CHTF18: variants seen among roughly 807,000 people sequenced by gnomAD.
CHTF18 encodes the protein chromosome transmission fidelity protein 18 homolog.
A neutral mutation model predicts 113.4 loss-of-function variants in CHTF18; 151 were observed. The ratio of observed to expected loss-of-function variants is 1.33; its 90% confidence interval spans 1.17 to 1.52. The LOEUF (loss-of-function observed/expected upper bound fraction) is 1.52. Ranked by LOEUF, CHTF18 falls within the 40% of genes most tolerant of loss-of-function variation. The pLI, the probability that CHTF18 is intolerant of heterozygous loss-of-function variation, is 0.00. For missense variants in CHTF18, 1,982 were observed against 1,381.6 expected (o/e 1.43, Z -6.89); for synonymous variants, 916 against 598.8 (o/e 1.53, Z -7.74).
intron 18 of CHTF18, chr16:796,473 C>G (rs763885075): frequency 5.1e-5 from 30 of 585,360 alleles, no homozygotes; most frequent in Non-Finnish European, 7.7e-5. Context: ...CGCTGAGTCA[C>G]TCTCCGTGGC....
rs775708390 is a variant in CHTF18 at position 794,038 on chromosome 16, A to G, written c.1803-16A>G. On this transcript the variant is annotated splice_polypyrimidine_tract_variant and intron_variant, in intron 14 of 21. Transcript: ENST00000262315. ...TTTTAACACGGGTCCATCTAGCTTC[A>G]GCACCCCACCTGCAGGCGCCGTGTG... 4.8e-5 allele frequency: 77 copies of G among 1,605,042 alleles called. No individual in the cohort carries two copies. The highest frequency in any genetic ancestry group is 6.5e-5 in the Non-Finnish European group (76 of 1,175,634).
chr16:789,907 C>A, intron 4 of CHTF18, 192 bp downstream of exon 4: 1 of 1,437,432 alleles, frequency 7.0e-7, no homozygotes, highest in Non-Finnish European at 9.4e-7. Context: ...GCTGTCCAGC[C>A]TGTTTGTATG....
At position 795,253 on chromosome 16, in the gene CHTF18, G is replaced by A; in HGVS notation, c.2072G>A (p.Ser691Asn). The A allele has an allele frequency of 6.5e-7, 1 of 1,549,376 alleles. No individual in the cohort carries two copies. The highest frequency in any genetic ancestry group is 8.7e-7 in the Non-Finnish European group (1 of 1,146,878). ...GCGGGGGCTGCTCATCACAGCCAGA[G>A]CTTCCAGCTGCTGCGCTACCCACCC... ...LLAGAAHHSQ[S>N]FQLLRYPPFL... The change falls in exon 16 of 22, where the codon AGC becomes AAC. Residue 691 changes from serine to asparagine, a missense_variant. Transcript: ENST00000262315.
chr16:796,189 G>A lies in CHTF18; in HGVS notation c.2456+112G>A, dbSNP rs1596771328. ...TGAAAGCACGGTCATGGCGTCTGGGGGTGGCGGGCCCCAGCTTATCTTTTG... is the reference window on the plus strand; with the variant it reads ...TGAAAGCACGGTCATGGCGTCTGGGAGTGGCGGGCCCCAGCTTATCTTTTG... On this transcript the variant is annotated intron_variant, in intron 18 of 21. Transcript: ENST00000262315. The A allele has an allele frequency of 2.2e-6, 3 of 1,391,598 alleles. No homozygotes were observed. In the Admixed American group the frequency reaches 6.8e-5, roughly 32 times the overall value. The allele number at this position is 1,391,598 out of a possible 1,614,324, so 86.2% of individuals were successfully genotyped here.
rs1596766462 is a variant in CHTF18, at chr16:795,081, T to A, written c.1951-51T>A. The A allele has an allele frequency of 2.8e-6, 4 of 1,423,744 alleles. No homozygotes were observed. In the East Asian group the frequency reaches 1.0e-4, roughly 35 times the overall value. 88.2% of individuals were successfully genotyped at this position (1,423,744 alleles called of 1,614,324 possible). A position where few individuals can be genotyped will look rare whatever the true frequency, so the allele number is the denominator to read the frequency against. ...GCGGGAGGTGGAGGGTCCGTGGTGG[T>A]GCACCTTCCCTGGGGTGGGCAGGAG... On this transcript the variant is annotated intron_variant, in intron 15 of 21. Coordinates refer to ENST00000262315, the MANE Select transcript of CHTF18 (RefSeq NM_022092.3).
chr16:790,380 C>G lies in CHTF18; in HGVS notation c.733C>G (p.Leu245Val). The G allele has an allele frequency of 6.2e-7, 1 of 1,612,166 alleles. No individual in the cohort carries two copies. Among genetic ancestry groups the G allele is most frequent in the East Asian group, 2.2e-5 (1 of 44,840 alleles). Residue 245 changes from leucine to valine, a missense_variant, in exon 6 of 22, where the codon CTT (leucine) becomes GTT (valine). Physicochemically the swap from Leu to Val is conservative, Grantham distance 32 (BLOSUM62 1). Coordinates refer to ENST00000262315, the MANE Select transcript of CHTF18 (RefSeq NM_022092.3). The stretch of plus-strand genomic sequence containing the variant: ...GCGGCTGCTTCAGGAGGCCCAGAAG[C>G]TTTCAGACACCCTGCACAGGTGACT... Reference protein sequence around the residue: ...RERLLQEAQKLSDTLHSLRSG... With the variant: ...RERLLQEAQKVSDTLHSLRSG...
In CHTF18 at chr16:792,358, T is replaced by C; in HGVS notation, c.1326+11T>C. ...GACGGGGCCCCCGTGGTGGGCTCCT[T>C]GATGCCTGGGTAGGTGGGTGGGCGG... On this transcript the variant is annotated intron_variant, in intron 10 of 21. Transcript: ENST00000262315. The C allele has an allele frequency of 6.4e-7, 1 of 1,557,620 alleles. No homozygotes were observed. The highest frequency in any genetic ancestry group is 2.4e-5 in the East Asian group (1 of 41,208).
chr16:790,122 G>C (rs780916517), intron 4 of CHTF18, 55 bp from the exon 5 acceptor site: 2 of 1,547,222 alleles, frequency 1.3e-6, no homozygotes, highest in Admixed American at 1.9e-5. Context: ...GGGGGCTGAC[G>C]TGAATCCTGT....
At chr16:790,763 C>A (rs760787937) in intron 7 of CHTF18, 97 bp downstream of exon 7, 1 of 1,442,530 alleles carries the variant, frequency 6.9e-7, no homozygotes, top group African/African-American at 1.4e-5. Context: ...ATCCACTGGG[C>A]CTCGGAGACG....
chr16:788,942 C>G lies in CHTF18; in HGVS notation c.103C>G (p.Pro35Ala). The part of the protein sequence containing the change: ...VLAELEGAST[P>A]SPSGVPLFTA... The stretch of plus-strand genomic sequence containing the variant: ...TCCTCTCCCAGCAGGGGCGTCGACT[C>G]CGTCGCCCTCCGGGGTCCCCCTGTT... Residue 35 changes from proline to alanine, a missense_variant, in exon 2 of 22, where the codon CCG becomes GCG. Transcript: ENST00000262315. 1 of 1,556,876 alleles carries G rather than the reference C, an allele frequency of 6.4e-7. No individual in the cohort carries two copies. The highest frequency in any genetic ancestry group is 8.6e-7 in the Non-Finnish European group (1 of 1,160,090).
Position 792,511 on chromosome 16 carries a change from G to C in CHTF18, c.1399G>C (p.Val467Leu). The C allele has an allele frequency of 1.3e-6, 2 of 1,592,350 alleles. No individual in the cohort carries two copies. The highest frequency in any genetic ancestry group is 1.7e-6 in the Non-Finnish European group (2 of 1,172,760). ...GGAGGTGGGGCCACAGGGCCCGGCTGTGCCTTCGGGAGGCGGCCGACGGCG... is the reference window on the plus strand; with the variant it reads ...GGAGGTGGGGCCACAGGGCCCGGCTCTGCCTTCGGGAGGCGGCCGACGGCG... Reference protein sequence around the residue: ...PQEVGPQGPAVPSGGGRRRRA... With the variant: ...PQEVGPQGPALPSGGGRRRRA... The change falls in exon 11 of 22, where the codon GTG becomes CTG. Residue 467 changes from valine to leucine, a missense_variant. Val to Leu is a conservative substitution (Grantham distance 32). Transcript: ENST00000262315.
rs557861151 is a variant in CHTF18 at position 793,261 on chromosome 16, C to T, written c.1789C>T (p.Pro597Ser). 26 of 1,607,248 alleles carry T rather than the reference C, an allele frequency of 1.6e-5. No homozygotes were observed. The highest frequency in any genetic ancestry group is 1.4e-4 in the South Asian group (13 of 90,190). Residue 597 changes from proline to serine, a missense_variant, in exon 14 of 22, where the codon CCT (proline) becomes TCT (serine). Transcript: ENST00000262315. Reference protein sequence around the residue: ...FSVWQEVFQLPRAQRRRVGQD... With the variant: ...FSVWQEVFQLSRAQRRRVGQD... ...GGTGTGGCAGGAGGTCTTCCAGCTGCCTCGAGCCCAGAGGTAGGCGGTGGC... is the reference window on the plus strand; with the variant it reads ...GGTGTGGCAGGAGGTCTTCCAGCTGTCTCGAGCCCAGAGGTAGGCGGTGGC...
rs749668292 is a variant in CHTF18 at position 794,156 on chromosome 16, C to G, written c.1905C>G (p.Val635=). The G allele has an allele frequency of 6.2e-7, 1 of 1,612,444 alleles. No homozygotes were observed. Residue 635 remains valine, a synonymous_variant, in exon 15 of 22, where the codon GTC becomes GTG. Coordinates refer to ENST00000262315, the MANE Select transcript of CHTF18 (RefSeq NM_022092.3). The part of the protein sequence containing the change: ...LTSASQRFYR[V]LHAAASAGEH... ...CCGCCTCACAGCGATTCTACCGTGT[C>G]CTGCATGCCGCTGCCTCTGCGGGCG... is the stretch of plus-strand genomic sequence containing the variant.
In CHTF18 at chr16:792,722, G is replaced by A. The variant is rs752875329; in HGVS notation, c.1483G>A (p.Ala495Thr). The stretch of plus-strand genomic sequence containing the variant: ...GGCCCTGCCGCCTCTCCTCAGGTTC[G>A]CACCGTCCCTGCGGCAGCTGAAGCA... ...PIICICNDQFAPSLRQLKQQA... is the reference protein window; with the variant it reads ...PIICICNDQFTPSLRQLKQQA... The change falls in exon 12 of 22, where the codon GCA becomes ACA. Residue 495 changes from alanine to threonine, a missense_variant. Physicochemically the swap from Ala to Thr is moderately conservative, Grantham distance 58 (BLOSUM62 0). Coordinates refer to ENST00000262315, the MANE Select transcript of CHTF18 (RefSeq NM_022092.3). 7.0e-6 allele frequency: 11 copies of A among 1,563,068 alleles called. No individual in the cohort carries two copies. Among genetic ancestry groups the A allele is most frequent in the African/African-American group, 2.7e-5 (2 of 73,992 alleles).
rs756569052 is a variant in CHTF18, at chr16:794,115, G to A, written c.1864G>A (p.Ala622Thr). ...CACACTCCTGCTGGGTGACGGGGAC[G>A]CGGGCTCCCTCACCTCCGCCTCACA... ...ADTLLLGDGD[A>T]GSLTSASQRF... Residue 622 changes from alanine (A) to threonine (T), a missense_variant, in exon 15 of 22, where the codon GCG (alanine) becomes ACG (threonine). Ala to Thr is a moderately conservative substitution (Grantham distance 58). Coordinates refer to ENST00000262315, the MANE Select transcript of CHTF18 (RefSeq NM_022092.3). 29 of 1,612,346 alleles carry A rather than the reference G, an allele frequency of 1.8e-5. No individual in the cohort carries two copies. Among genetic ancestry groups the A allele is most frequent in the East Asian group, 1.6e-4 (7 of 44,860 alleles).
Position 792,547 on chromosome 16 carries a change from G to A in CHTF18, c.1435G>A (p.Gly479Arg), listed in dbSNP as rs781707691. Residue 479 changes from glycine to arginine, a missense_variant, in exon 11 of 22, where the codon GGG becomes AGG. Physicochemically the swap from Gly to Arg is moderately radical, Grantham distance 125 (BLOSUM62 -2). Coordinates refer to ENST00000262315, the MANE Select transcript of CHTF18 (RefSeq NM_022092.3). ...SGGGRRRRAE[G>R]GLLMRPIICI... ...AGGCGGCCGACGGCGCCGGGCAGAG[G>A]GGGGGCTCCTCATGAGGCCCATTAT... 1.1e-5 allele frequency: 18 copies of A among 1,596,850 alleles called. No individual in the cohort carries two copies. Among genetic ancestry groups the A allele is most frequent in the South Asian group, 4.5e-5 (4 of 88,954 alleles).
Position 788,635 on chromosome 16 carries a change from G to A in CHTF18, c.-50G>A, listed in dbSNP as rs1183419277. ...CGCTCGGGGCGGGCAGTGCGCGACG[G>A]CGGCGGCGGCGCGGGAGGTTCGGAG... On this transcript the variant is annotated 5_prime_UTR_variant, in exon 1 of 22. Coordinates refer to ENST00000262315, the MANE Select transcript of CHTF18 (RefSeq NM_022092.3). The A allele has an allele frequency of 1.5e-6, 2 of 1,366,542 alleles. No individual in the cohort carries two copies. Among genetic ancestry groups the A allele is most frequent in the East Asian group, 3.1e-5 (1 of 32,480 alleles). The allele number at this position is 1,366,542 out of a possible 1,614,324, so 84.7% of individuals were successfully genotyped here. A position where few individuals can be genotyped will look rare whatever the true frequency, so the allele number is the denominator to read the frequency against.
Position 790,245 on chromosome 16 carries a change from C to T in CHTF18, c.675C>T (p.Ser225=), listed in dbSNP as rs372737722. ...ACCTGCTGGGTGTGTCCTTAGCCTC[C>T]CTGAAGAAGCAGGTCGACGGCGAGG... is the stretch of plus-strand genomic sequence containing the variant. ...QLDLLGVSLA[S]LKKQVDGERR... The change falls in exon 5 of 22, where the codon TCC becomes TCT. Residue 225 remains serine, a synonymous_variant. Coordinates refer to ENST00000262315, the MANE Select transcript of CHTF18 (RefSeq NM_022092.3). The T allele has an allele frequency of 9.3e-6, 15 of 1,606,906 alleles. No homozygotes were observed. The South Asian group carries it at 1.6e-4, about 17-fold the overall frequency.
Position 792,451 on chromosome 16 carries a change from G to T in CHTF18, c.1339G>T (p.Val447Phe), listed in dbSNP as rs769097358. The T allele has an allele frequency of 1.3e-6, 2 of 1,567,646 alleles. No homozygotes were observed. Among genetic ancestry groups the T allele is most frequent in the South Asian group, 1.2e-5 (1 of 86,048 alleles). ...GACCTCCCCCAAGGCCGCCATCAAC[G>T]TCCTCCTGAGCATCCTGAACCGCAA... ...IDGAPVAAIN[V>F]LLSILNRKGP... Residue 447 changes from valine (V) to phenylalanine (F), a missense_variant, in exon 11 of 22, where the codon GTC becomes TTC. By Grantham distance (50) the Val-to-Phe change is conservative. Coordinates refer to ENST00000262315, the MANE Select transcript of CHTF18 (RefSeq NM_022092.3).
Sources: gnomAD v4.1 joint callset for allele counts on GRCh38, gnomAD v4.1.1 for gene constraint, MANE v1.5 for transcripts, NCBI Gene and HGNC (gene_info 2026-07-23, HGNC 2026-07-21) for gene names.